The following BTBD9 variants were observed in gnomAD, a reference collection of about 807,000 sequenced individuals.
BTBD9 encodes the protein BTB/POZ domain-containing protein 9.
Under a neutral mutation model 64.3 loss-of-function variants are expected in BTBD9, and 49 were observed. That is an observed-to-expected ratio of 0.76 (90% confidence interval 0.61 to 0.97). The LOEUF (loss-of-function observed/expected upper bound fraction) is 0.97. Ranked by LOEUF, BTBD9 falls within the 50% of genes least tolerant of loss-of-function variation. BTBD9 has a pLI of 0.00. For synonymous variants in BTBD9, 260 were observed against 274.7 expected (o/e 0.95, Z 0.53); for missense variants, 598 against 762.1 (o/e 0.78, Z 2.53).
intron 8 of BTBD9, among the ~76,000 whole-genome samples, chr6:38,282,117 G>A (rs568250017): frequency 1.1e-4 from 17 of 152,236 alleles, no homozygotes; most frequent in African/African-American, 4.1e-4. Context: ...GACATTAGGT[G>A]GATTTGGTTA....
chr6:38,423,881 T>C (rs1381532917), intron 6 of BTBD9, among the ~76,000 whole-genome samples: 1 of 150,534 alleles, frequency 6.6e-6, no homozygotes. Flanking sequence ...ACTATATTTT[T>C]AAGTAGTTCA....
intron 6 of BTBD9, among the ~76,000 whole-genome samples, chr6:38,419,559 T>A (rs1278541722): frequency 6.6e-6 from 1 of 152,150 alleles, no homozygotes; most frequent in African/African-American, 2.4e-5. Context: ...TTAGGAAGAC[T>A]CTAAAATACT....
At chr6:38,241,400 G>A (rs970242156) in intron 9 of BTBD9, among the ~76,000 whole-genome samples, 7 of 152,152 alleles carry the variant, frequency 4.6e-5, no homozygotes, top group Admixed American at 2.0e-4. Flanking sequence ...GTGCAACATT[G>A]CCTCAAGGTA....
chr6:38,571,053 T>A (rs1015766167), intron 6 of BTBD9, among the ~76,000 whole-genome samples: 8 of 152,226 alleles, frequency 5.3e-5, no homozygotes, highest in Non-Finnish European at 1.5e-5. Flanking sequence ...ATATCAAGGT[T>A]GTAGGTAGAT....
At chr6:38,276,981 G>A (rs562411668) in intron 8 of BTBD9, among the ~76,000 whole-genome samples, 82 of 152,230 alleles carry the variant, frequency 5.4e-4, no homozygotes, top group African/African-American at 2.0e-3. Flanking sequence ...AAATACATCT[G>A]GTTAACAGAC....
chr6:38,515,071 C>A (rs964537410), intron 6 of BTBD9, among the ~76,000 whole-genome samples: 1 of 152,106 alleles, frequency 6.6e-6, no homozygotes, highest in Admixed American at 6.5e-5. Context: ...TACATTTAGT[C>A]CAGTTGTGCC....
intron 6 of BTBD9, among the ~76,000 whole-genome samples, chr6:38,478,036 G>C (rs563877809): frequency 6.6e-6 from 1 of 152,302 alleles, no homozygotes; most frequent in South Asian, 2.1e-4. Context: ...TGCTGCCACA[G>C]GGATGTTATA....
intron 6 of BTBD9, among the ~76,000 whole-genome samples, chr6:38,347,668 C>CTT (rs1764336241): frequency 6.6e-6 from 1 of 152,062 alleles, no homozygotes; most frequent in Admixed American, 6.5e-5. Flanking sequence ...AATTAATGGC[C>CTT]CAACATCAAT....
rs1205240532 is a variant in BTBD9 at position 38,170,020 on chromosome 6, G to C, written c.*4965C>G. ...TGCCAGGGTGCTGGGTGGGTTGGAG[G>C]CTGGGCCAGGGAGCACCGTGACCAG... On this transcript the variant is annotated 3_prime_UTR_variant, in exon 11 of 11. Coordinates refer to ENST00000481247, the MANE Select transcript of BTBD9 (RefSeq NM_001099272.2). The C allele has an allele frequency of 3.3e-5, 5 of 152,250 alleles. No homozygotes were observed. 9.4% of individuals were successfully genotyped at this position (152,250 alleles called of 1,614,324 possible).
intron 3 of BTBD9, among the ~76,000 whole-genome samples, chr6:38,593,212 T>C (rs1776888046): frequency 6.6e-6 from 1 of 152,228 alleles, no homozygotes; most frequent in Non-Finnish European, 1.5e-5. Context: ...GCATTTAAAA[T>C]TCAAATTTTG....
At chr6:38,186,486 G>A (rs945988646) in intron 10 of BTBD9, among the ~76,000 whole-genome samples, 5 of 152,060 alleles carry the variant, frequency 3.3e-5, no homozygotes, top group African/African-American at 7.2e-5. Context: ...GGAATGCCAC[G>A]GCCTCTTGAT....
chr6:38,327,205 C>T (rs934535879), intron 7 of BTBD9, among the ~76,000 whole-genome samples: 5 of 152,116 alleles, frequency 3.3e-5, no homozygotes, highest in Admixed American at 6.6e-5. Flanking sequence ...TCTAATGCAG[C>T]TATAAAAGAA....
chr6:38,174,689 T>A lies in BTBD9; in HGVS notation c.*296A>T, dbSNP rs987600965. On this transcript the variant is annotated 3_prime_UTR_variant, in exon 11 of 11. Transcript: ENST00000481247. ...CAGGCCTGTCTATGACTTCCTCCTG[T>A]TCCCTGCGCCTGGGCTAGATTAGAG... The A allele has an allele frequency of 2.4e-6, 1 of 418,654 alleles. No individual in the cohort carries two copies. Among genetic ancestry groups the A allele is most frequent in the Non-Finnish European group, 4.3e-6 (1 of 233,720 alleles). 25.9% of individuals were successfully genotyped at this position (418,654 alleles called of 1,614,324 possible).
Position 38,255,792 on chromosome 6 carries a change from T to C in BTBD9, c.1562+617A>G, listed in dbSNP as rs80016716. 5.9e-3 allele frequency among the ~76,000 whole-genome samples: 905 copies of C among 152,268 alleles called. 9 individuals carry two copies. Among genetic ancestry groups the C allele is most frequent in the African/African-American group, 0.02 (846 of 41,532 alleles). ...CCCATAATAACTACTGAAGTATGTATTGCTTCAGCAAAGTTCTCTAAGGAA... is the reference window on the plus strand; with the variant it reads ...CCCATAATAACTACTGAAGTATGTACTGCTTCAGCAAAGTTCTCTAAGGAA... On this transcript the variant is annotated intron_variant, in intron 9 of 10. Transcript: ENST00000481247.
chr6:38,240,101 A>T (rs1196317287), intron 9 of BTBD9, among the ~76,000 whole-genome samples: 1 of 152,186 alleles, frequency 6.6e-6, no homozygotes, highest in African/African-American at 2.4e-5. Flanking sequence ...GCACACCTGA[A>T]CTTCCCTCCA....
intron 6 of BTBD9, among the ~76,000 whole-genome samples, chr6:38,472,885 T>C (rs1238346420): frequency 1.3e-5 from 2 of 152,212 alleles, no homozygotes; most frequent in African/African-American, 4.8e-5. Flanking sequence ...CCAATTTAAA[T>C]GTATCTTTGC....
At position 38,175,126 on chromosome 6, in the gene BTBD9, T is replaced by C. The variant is rs751816020; in HGVS notation, c.1698A>G (p.Glu566=). The part of the protein sequence containing the change: ...CPEQQSSQKE[E]NSEESGTGDT... ...CCCCTGTCCCCGATTCCTCACTATTTTCCTCCTTCTGGCTGCTCTGCTGCT... is the reference window on the plus strand; with the variant it reads ...CCCCTGTCCCCGATTCCTCACTATTCTCCTCCTTCTGGCTGCTCTGCTGCT... Residue 566 remains glutamate (E), a synonymous_variant, in exon 11 of 11, where the codon GAA becomes GAG. Coordinates refer to ENST00000481247, the MANE Select transcript of BTBD9 (RefSeq NM_001099272.2). The C allele has an allele frequency of 6.2e-7, 1 of 1,614,216 alleles. No homozygotes were observed. Among genetic ancestry groups the C allele is most frequent in the South Asian group, 1.1e-5 (1 of 91,082 alleles).
At chr6:38,295,572 T>C (rs1762130493) in intron 7 of BTBD9, among the ~76,000 whole-genome samples, 1 of 152,336 alleles carries the variant, frequency 6.6e-6, no homozygotes, top group East Asian at 1.9e-4. Context: ...TGTTTGTTTC[T>C]TTAATCTATT....
intron 1 of BTBD9, among the ~76,000 whole-genome samples, chr6:38,613,672 T>A (rs569628567): frequency 6.6e-6 from 1 of 152,246 alleles, no homozygotes; most frequent in South Asian, 2.1e-4. Flanking sequence ...TATTACTCAA[T>A]GACAGCATTT....
Sources: gnomAD v4.1 joint callset for allele counts (sites outside exome capture counted in the v4.1 genomes callset) on GRCh38, gnomAD v4.1.1 for gene constraint, MANE v1.5 for transcripts, NCBI Gene and HGNC (gene_info 2026-07-23, HGNC 2026-07-21) for gene names.